PTPRQ: variants seen among roughly 807,000 people sequenced by gnomAD.
The protein encoded by PTPRQ is phosphatidylinositol phosphatase PTPRQ.
A neutral mutation model predicts 246.0 loss-of-function variants in PTPRQ; 199 were observed. The ratio of observed to expected loss-of-function variants is 0.81; its 90% CI spans 0.72 to 0.91. The LOEUF is 0.91. Among genes scored for constraint, PTPRQ ranks in the 40% least tolerant of loss-of-function variants. The pLI, the probability that PTPRQ is intolerant of heterozygous loss-of-function variation, is 0.00. For missense variants in PTPRQ, 2,624 were observed against 2,528.4 expected, an observed-to-expected ratio of 1.04 and a Z score of -0.81; for synonymous variants, 869 against 853.2, an observed-to-expected ratio of 1.02 and a Z score of -0.32.
chr12:80,534,706 A>G (rs1895937723), intron 18 of PTPRQ, among the ~76,000 whole-genome samples, 186 bp from the exon 19 acceptor site: 1 of 149,508 alleles, frequency 6.7e-6, no homozygotes, highest in Non-Finnish European at 1.5e-5. Context: ...GAATATGCCT[A>G]TAATAAAGTA....
chr12:80,654,247 G>A (rs896766648), intron 38 of PTPRQ, among the ~76,000 whole-genome samples: 5 of 151,858 alleles, frequency 3.3e-5, no homozygotes, highest in Admixed American at 6.6e-5. Flanking sequence ...GGCATGTGCC[G>A]CCATGCCCAG....
At chr12:80,589,531 C>A (rs1897722915) in intron 26 of PTPRQ, among the ~76,000 whole-genome samples, 1 of 152,146 alleles carries the variant, frequency 6.6e-6, no homozygotes, top group Admixed American at 6.5e-5. Context: ...TTTTCAGTGA[C>A]AAATACCATG....
At chr12:80,509,973 T>C (rs961372846) in intron 16 of PTPRQ, among the ~76,000 whole-genome samples, 8 of 152,148 alleles carry the variant, frequency 5.3e-5, no homozygotes, top group Admixed American at 4.6e-4. Flanking sequence ...GGATCTCTTT[T>C]ACTGTATATT....
At chr12:80,631,620 A>G (rs1899438604) in intron 33 of PTPRQ, among the ~76,000 whole-genome samples, 1 of 152,140 alleles carries the variant, frequency 6.6e-6, no homozygotes, top group African/African-American at 2.4e-5. Context: ...CCATCTTTCC[A>G]AAGTTACATA....
chr12:80,529,243 G>C (rs1386487707), intron 17 of PTPRQ, among the ~76,000 whole-genome samples: 1 of 152,076 alleles, frequency 6.6e-6, no homozygotes, highest in Admixed American at 6.6e-5. Context: ...ATCTAATAAA[G>C]AGTCAAGTAA....
At chr12:80,479,120 C>T (rs879791595) in intron 8 of PTPRQ, among the ~76,000 whole-genome samples, 73 of 151,814 alleles carry the variant, frequency 4.8e-4, no homozygotes, top group Non-Finnish European at 7.6e-4. Flanking sequence ...TAAGGGCAGC[C>T]GGAGAGAAAG....
At position 80,678,637 on chromosome 12, in the gene PTPRQ, T is replaced by A. The variant is rs1342706742; in HGVS notation, c.6774T>A (p.Asp2258Glu). Residue 2258 changes from aspartate (D) to glutamate (E), a missense_variant, in exon 44 of 45, where the codon GAT becomes GAA. Physicochemically the swap from Asp to Glu is conservative, Grantham distance 45 (BLOSUM62 2). Coordinates refer to ENST00000644991, the MANE Select transcript of PTPRQ (RefSeq NM_001145026.2). ...TCTTTTTACACCAGTGCATTCTGGA[T>A]CTCTTATCAAATAAGGGAAGTAATC... is the stretch of plus-strand genomic sequence containing the variant. The part of the protein sequence containing the change: ...QYIFLHQCIL[D>E]LLSNKGSNQP... 1 of 1,550,422 alleles carries A rather than the reference T, an allele frequency of 6.4e-7. No homozygotes were observed. The highest frequency in any genetic ancestry group is 1.4e-5 in the African/African-American group (1 of 73,024).
chr12:80,559,957 G>C (rs1469043734), intron 25 of PTPRQ, among the ~76,000 whole-genome samples: 4 of 152,238 alleles, frequency 2.6e-5, no homozygotes, highest in Admixed American at 2.0e-4. Flanking sequence ...TGGGAACAAG[G>C]TGAAAAACAG....
intron 30 of PTPRQ, 60 bp downstream of exon 30, chr12:80,616,326 C>T: frequency 7.1e-7 from 1 of 1,407,942 alleles, no homozygotes; most frequent in Admixed American, 2.8e-5. Context: ...AATTTAAATT[C>T]CATACTTGAA....
At chr12:80,522,347 C>A (rs2120760008) in intron 17 of PTPRQ, among the ~76,000 whole-genome samples, 1 of 152,220 alleles carries the variant, frequency 6.6e-6, no homozygotes, top group African/African-American at 2.4e-5. Flanking sequence ...AATTGAATAC[C>A]ATTTATTTCC....
In PTPRQ at chr12:80,628,438, C is replaced by T. The variant is rs540486751; in HGVS notation, c.5687-3754C>T. Among the ~76,000 whole-genome samples, 179 of 152,140 alleles carry T rather than the reference C, an allele frequency of 1.2e-3. 1 individual carries two copies. The highest frequency in any genetic ancestry group is 1.9e-3 in the Non-Finnish European group (126 of 67,998). On this transcript the variant is annotated intron_variant, in intron 33 of 44. Coordinates refer to ENST00000644991, the MANE Select transcript of PTPRQ (RefSeq NM_001145026.2). ...CGTGCCTATTTTACACATTGGTAAC[C>T]TATTTTGTCACTTGACTGTAATACT...
intron 33 of PTPRQ, among the ~76,000 whole-genome samples, chr12:80,625,940 G>C (rs1030691254): frequency 4.6e-5 from 7 of 152,098 alleles, no homozygotes; most frequent in African/African-American, 1.7e-4. Context: ...TAATTATAGA[G>C]GGATCCTGTG....
intron 17 of PTPRQ, among the ~76,000 whole-genome samples, chr12:80,523,090 G>C (rs949461645): frequency 3.6e-4 from 54 of 152,070 alleles, no homozygotes; most frequent in Admixed American, 3.3e-4. Flanking sequence ...GTTTAGTCTT[G>C]GGAGGGTGTA....
In PTPRQ at chr12:80,670,633, C is replaced by T. The variant is rs1055865639; in HGVS notation, c.6602+141C>T. 9 of 1,264,104 alleles carry T rather than the reference C, an allele frequency of 7.1e-6. No individual in the cohort carries two copies. The African/African-American group carries it at 9.2e-5, about 13-fold the overall frequency. The allele number at this position is 1,264,104 out of a possible 1,614,324, so 78.3% of individuals were successfully genotyped here. On this transcript the variant is annotated intron_variant, in intron 42 of 44. Transcript: ENST00000644991. ...AGATTTCACATTTAGCATTTCTAGACACATTGGTATGATTTATGTTTTCTG... is the reference window on the plus strand; with the variant it reads ...AGATTTCACATTTAGCATTTCTAGATACATTGGTATGATTTATGTTTTCTG...
intron 25 of PTPRQ, among the ~76,000 whole-genome samples, chr12:80,573,285 C>T (rs1032750169): frequency 6.6e-6 from 1 of 152,082 alleles, no homozygotes. Flanking sequence ...GTCAGTAGAT[C>T]GAGACCTTCC....
chr12:80,672,655 G>T (rs1901007288), intron 42 of PTPRQ, among the ~76,000 whole-genome samples: 1 of 151,928 alleles, frequency 6.6e-6, no homozygotes, highest in Non-Finnish European at 1.5e-5. Flanking sequence ...TTTTTTAAAT[G>T]AAAATAGTTT....
intron 8 of PTPRQ, among the ~76,000 whole-genome samples, chr12:80,475,804 G>A (rs1252518245): frequency 1.3e-5 from 2 of 151,866 alleles, no homozygotes; most frequent in Non-Finnish European, 2.9e-5. Flanking sequence ...AGTAAGTATT[G>A]AATATATAGA....
chr12:80,556,241 A>G (rs370086333), intron 25 of PTPRQ, among the ~76,000 whole-genome samples: 12 of 152,156 alleles, frequency 7.9e-5, no homozygotes, highest in African/African-American at 2.9e-4. Context: ...GTTGGCTAAG[A>G]TGGTTTCGAA....
intron 39 of PTPRQ, among the ~76,000 whole-genome samples, chr12:80,668,390 T>C (rs1017197931): frequency 6.6e-5 from 10 of 151,906 alleles, no homozygotes; most frequent in Non-Finnish European, 1.3e-4. Context: ...TACCATGTTT[T>C]TCTTGGGTCA....
Sources: allele counts gnomAD v4.1 joint callset (sites outside exome capture counted in the v4.1 genomes callset), GRCh38; gene constraint gnomAD v4.1.1; transcripts MANE v1.5; gene names NCBI Gene and HGNC (gene_info 2026-07-23, HGNC 2026-07-21).